The following AKAP19 variants were observed in gnomAD, a reference collection of about 807,000 sequenced individuals.
AKAP19 encodes A-kinase anchoring protein 19, also known as small A-kinase anchoring protein.
the AKAP19 span, chr2:190,199,891 C>T: frequency 6.2e-7 from 1 of 1,613,836 alleles, no homozygotes; most frequent in East Asian, 2.2e-5. Context: ...GCAAACTTTC[C>T]CATTTCCTAC....
chr2:190,016,900 A>G, the AKAP19 span, among the ~76,000 whole-genome samples: 10,966 of 152,190 alleles, frequency 0.072, 442 homozygotes, highest in African/African-American at 0.079. Context: ...GTCCTTCACT[A>G]CTATTGTATT....
chr2:190,108,977 A>G, the AKAP19 span, among the ~76,000 whole-genome samples: 1 of 152,190 alleles, frequency 6.6e-6, no homozygotes, highest in Admixed American at 6.5e-5. Flanking sequence ...TGATTACTTC[A>G]TAGATGTTGG....
the AKAP19 span, among the ~76,000 whole-genome samples, chr2:189,965,098 T>A: frequency 6.6e-6 from 1 of 152,170 alleles, no homozygotes; most frequent in Non-Finnish European, 1.5e-5. Context: ...TTAAAGGCCA[T>A]TGTAGGGTTC....
chr2:189,952,609 G>C, the AKAP19 span, among the ~76,000 whole-genome samples: 2 of 152,126 alleles, frequency 1.3e-5, no homozygotes, highest in Non-Finnish European at 2.9e-5. Flanking sequence ...TAACAATGGG[G>C]AGTAAAAAGA....
the AKAP19 span, among the ~76,000 whole-genome samples, chr2:190,024,326 G>T: frequency 6.7e-6 from 1 of 149,280 alleles, no homozygotes; most frequent in Non-Finnish European, 1.5e-5. Context: ...ATGTGTGTGT[G>T]TGTATATATA....
At chr2:189,910,609 T>C in the AKAP19 span, among the ~76,000 whole-genome samples, 2 of 151,946 alleles carry the variant, frequency 1.3e-5, no homozygotes, top group African/African-American at 2.4e-5. Context: ...TTTCTCTCTC[T>C]CCCCCCACCA....
At chr2:190,198,748 G>C in the AKAP19 span, among the ~76,000 whole-genome samples, 6 of 150,728 alleles carry the variant, frequency 4.0e-5, no homozygotes, top group African/African-American at 1.2e-4. Flanking sequence ...CTCATTCATA[G>C]AGATTACCTG....
the AKAP19 span, among the ~76,000 whole-genome samples, chr2:190,070,664 A>G: frequency 7.2e-6 from 1 of 139,634 alleles, no homozygotes; most frequent in East Asian, 2.3e-4. Context: ...TGAATAAAAT[A>G]TGTAAGTAAG....
At chr2:190,109,452 A>G in the AKAP19 span, among the ~76,000 whole-genome samples, 3 of 151,926 alleles carry the variant, frequency 2.0e-5, no homozygotes, top group Non-Finnish European at 4.4e-5. Flanking sequence ...GGCCTCATGC[A>G]ATCCCTCCGC....
chr2:190,149,985 T>A, the AKAP19 span, among the ~76,000 whole-genome samples: 1 of 152,128 alleles, frequency 6.6e-6, no homozygotes, highest in South Asian at 2.1e-4. Flanking sequence ...CTGCAGGTTG[T>A]CAGGGAAGTG....
At chr2:189,893,653 T>C in the AKAP19 span, among the ~76,000 whole-genome samples, 4 of 150,200 alleles carry the variant, frequency 2.7e-5, no homozygotes, top group Admixed American at 2.0e-4. Context: ...AGACCAGAGC[T>C]GTTCCTGTTC....
At chr2:190,068,519 C>T in the AKAP19 span, among the ~76,000 whole-genome samples, 7 of 152,208 alleles carry the variant, frequency 4.6e-5, no homozygotes, top group South Asian at 6.2e-4. Flanking sequence ...TTAGTAGAGA[C>T]GGCGTTTTGC....
the AKAP19 span, among the ~76,000 whole-genome samples, chr2:189,948,613 A>C: frequency 6.6e-6 from 1 of 152,222 alleles, no homozygotes; most frequent in African/African-American, 2.4e-5. Context: ...ATGTTACTAC[A>C]TTAAACTTAT....
the AKAP19 span, among the ~76,000 whole-genome samples, chr2:190,091,390 A>G: frequency 6.6e-6 from 1 of 152,238 alleles, no homozygotes; most frequent in Admixed American, 6.5e-5. Flanking sequence ...TTCTAACACT[A>G]GGATACTTTG....
At chr2:189,890,095 G>T in the AKAP19 span, among the ~76,000 whole-genome samples, 3 of 152,090 alleles carry the variant, frequency 2.0e-5, no homozygotes, top group Non-Finnish European at 4.4e-5. Context: ...CACTGCTTTA[G>T]TTGTGTCCCA....
the AKAP19 span, among the ~76,000 whole-genome samples, chr2:190,047,955 G>A: frequency 5.9e-5 from 9 of 152,246 alleles, no homozygotes; most frequent in Non-Finnish European, 1.3e-4. Flanking sequence ...CTAAATGTCC[G>A]ACACCTGCAT....
the AKAP19 span, among the ~76,000 whole-genome samples, chr2:189,959,218 C>G: frequency 1.3e-5 from 2 of 151,048 alleles, no homozygotes; most frequent in African/African-American, 4.8e-5. Flanking sequence ...ATTTAACTTT[C>G]TAATATAATC....
At chr2:190,119,811 C>G in the AKAP19 span, among the ~76,000 whole-genome samples, 3 of 151,926 alleles carry the variant, frequency 2.0e-5, no homozygotes, top group East Asian at 5.8e-4. Context: ...AAAAAATTGG[C>G]CAAAAAGATG....
the AKAP19 span, chr2:190,062,545 C>G: frequency 3.7e-6 from 6 of 1,613,222 alleles, no homozygotes; most frequent in Non-Finnish European, 4.2e-6. Context: ...ACTGGACCAG[C>G]AACAATCAGC....
Sources: gnomAD v4.1 joint callset for allele counts (sites outside exome capture counted in the v4.1 genomes callset) on GRCh38, gnomAD v4.1.1 for gene constraint, MANE v1.5 for transcripts, NCBI Gene and HGNC (gene_info 2026-07-23, HGNC 2026-07-21) for gene names.